PARP8: variants seen among roughly 807,000 people sequenced by gnomAD.
PARP8 encodes the protein protein mono-ADP-ribosyltransferase PARP8.
In PARP8, 51 loss-of-function variants were observed where a neutral mutation model predicts 124.1. The observed-to-expected ratio is 0.41, with a 90% CI of 0.33 to 0.52. The LOEUF is 0.52. Among genes scored for constraint, PARP8 ranks in the 20% least tolerant of loss-of-function variants. The pLI is 0.21. For synonymous variants in PARP8, 391 were observed against 361.5 expected (o/e 1.08, Z -0.93); for missense variants, 860 against 1,018.9 (o/e 0.84, Z 2.12).
chr5:50,686,906 C>G (rs917755494), intron 2 of PARP8, among the ~76,000 whole-genome samples: 3 of 152,176 alleles, frequency 2.0e-5, no homozygotes, highest in African/African-American at 7.2e-5. Context: ...ACCATTTTCT[C>G]CTAGGCTTCT....
intron 12 of PARP8, 91 bp from the exon 13 acceptor site, chr5:50,796,891 C>T (rs947807719): frequency 3.4e-5 from 37 of 1,077,948 alleles, no homozygotes; most frequent in South Asian, 5.0e-5. Context: ...AAATCACTTT[C>T]GTATTCACTA....
At chr5:50,811,860 T>C (rs1167742998) in intron 14 of PARP8, among the ~76,000 whole-genome samples, 1 of 152,212 alleles carries the variant, frequency 6.6e-6, no homozygotes, top group Non-Finnish European at 1.5e-5. Flanking sequence ...GTCTTTGCGA[T>C]AGTTTGCTCA....
chr5:50,703,760 A>G (rs1248134056), intron 2 of PARP8, among the ~76,000 whole-genome samples: 1 of 152,170 alleles, frequency 6.6e-6, no homozygotes, highest in East Asian at 1.9e-4. Flanking sequence ...AAAATTTAAA[A>G]GTTAGCCAGG....
At chr5:50,726,397 G>T (rs1481548593) in intron 2 of PARP8, among the ~76,000 whole-genome samples, 3 of 151,932 alleles carry the variant, frequency 2.0e-5, no homozygotes, top group Admixed American at 2.0e-4. Context: ...TTTTTTTCCC[G>T]CATTTTACAA....
rs76328550 is a variant in PARP8 at position 50,797,273 on chromosome 5, T to C, written c.1575+40T>C. 6,057 of 1,298,172 alleles carry C rather than the reference T, an allele frequency of 4.7e-3. 236 individuals are homozygous for C. The African/African-American group carries it at 0.08, about 17-fold the overall frequency. 80.4% of individuals were successfully genotyped at this position (1,298,172 alleles called of 1,614,324 possible). A position where few individuals can be genotyped will look rare whatever the true frequency, so the allele number is the denominator to read the frequency against. The stretch of plus-strand genomic sequence containing the variant: ...ATAGAATGTCCGTGTTGGTTTAGAA[T>C]ATAGAAATATAGAAAAGATTTGAAA... On this transcript the variant is annotated intron_variant, in intron 14 of 25. Transcript: ENST00000281631.
At chr5:50,690,657 A>G (rs974666217) in intron 2 of PARP8, among the ~76,000 whole-genome samples, 5 of 152,132 alleles carry the variant, frequency 3.3e-5, no homozygotes, top group African/African-American at 7.2e-5. Flanking sequence ...TAGCAAAACT[A>G]TGTCTAAAGA....
chr5:50,774,521 G>C (rs1268378717), intron 7 of PARP8, among the ~76,000 whole-genome samples: 1 of 127,086 alleles, frequency 7.9e-6, no homozygotes, highest in African/African-American at 3.1e-5. Flanking sequence ...CTTCCCAGAC[G>C]GGGTGGCCGG....
At chr5:50,682,852 G>A (rs916584552) in intron 2 of PARP8, among the ~76,000 whole-genome samples, 6 of 152,088 alleles carry the variant, frequency 3.9e-5, no homozygotes, top group Non-Finnish European at 8.8e-5. Context: ...GTTTTTCTAT[G>A]ATCTCTTATA....
intron 2 of PARP8, among the ~76,000 whole-genome samples, chr5:50,683,425 T>C (rs1751505961): frequency 6.6e-6 from 1 of 152,190 alleles, no homozygotes; most frequent in African/African-American, 2.4e-5. Flanking sequence ...ATAGTAATTA[T>C]AATGAAGACA....
Position 50,732,135 on chromosome 5 carries a change from A to G in PARP8, c.147-18016A>G, listed in dbSNP as rs571029974. Among the ~76,000 whole-genome samples the G allele has an allele frequency of 8.5e-5, 13 of 152,342 alleles. No homozygotes were observed. In the South Asian group the frequency reaches 2.1e-3, roughly 24 times the overall value. On this transcript the variant is annotated intron_variant, in intron 2 of 25. Transcript: ENST00000281631. ...AGTTCAGATAATGACAATCTTTATC[A>G]TCATAAATTTTCCTGAAGAATTAGT...
chr5:50,711,598 A>G (rs531832758), intron 2 of PARP8, among the ~76,000 whole-genome samples: 1 of 152,268 alleles, frequency 6.6e-6, no homozygotes, highest in East Asian at 1.9e-4. Flanking sequence ...TGAGAAACAG[A>G]AAGACAAAAT....
At chr5:50,713,197 G>T in intron 2 of PARP8, among the ~76,000 whole-genome samples, 1 of 151,982 alleles carries the variant, frequency 6.6e-6, no homozygotes, top group Non-Finnish European at 1.5e-5. Flanking sequence ...GGACTTACAA[G>T]AGTGCTTATT....
At chr5:50,819,109 C>T (rs1745451950) in intron 15 of PARP8, among the ~76,000 whole-genome samples, 2 of 152,238 alleles carry the variant, frequency 1.3e-5, no homozygotes, top group African/African-American at 2.4e-5. Context: ...CAGGTATTAG[C>T]GCTGTGTCCT....
chr5:50,837,649 G>C (rs1016220379), intron 25 of PARP8, among the ~76,000 whole-genome samples: 1 of 151,900 alleles, frequency 6.6e-6, no homozygotes, highest in Non-Finnish European at 1.5e-5. Flanking sequence ...CAGTTGAGAT[G>C]ATAAAACAGT....
At chr5:50,770,931 T>G (rs192232256) in intron 7 of PARP8, among the ~76,000 whole-genome samples, 179 of 152,184 alleles carry the variant, frequency 1.2e-3, no homozygotes, top group Non-Finnish European at 1.5e-3. Flanking sequence ...GCACATAATC[T>G]TATCCTTTAA....
Position 50,794,268 on chromosome 5 carries a change from C to A in PARP8, c.799C>A (p.His267Asn). 2 of 1,613,532 alleles carry A rather than the reference C, an allele frequency of 1.2e-6. No homozygotes were observed. Among genetic ancestry groups the A allele is most frequent in the Non-Finnish European group, 1.7e-6 (2 of 1,179,652 alleles). ...KQSKEKSNCLHNKKLSEKKVK... is the reference protein window; with the variant it reads ...KQSKEKSNCLNNKKLSEKKVK... ...GAGCAAAGAAAAATCCAATTGCCTG[C>A]ACAATAAAAAGTTGTCAGAGAAGAA... Residue 267 changes from histidine to asparagine, a missense_variant, in exon 11 of 26, where the codon CAC becomes AAC. Physicochemically the swap from His to Asn is moderately conservative, Grantham distance 68 (BLOSUM62 1). This residue lies in a region of PARP8 where 517 missense variants were observed against 544.2 expected (regional missense o/e 0.95). Coordinates refer to ENST00000281631, the MANE Select transcript of PARP8 (RefSeq NM_024615.4).
intron 2 of PARP8, among the ~76,000 whole-genome samples, chr5:50,672,555 CT>C (rs1750149290): frequency 1.3e-5 from 2 of 152,284 alleles, no homozygotes; most frequent in Middle Eastern, 3.4e-3. Flanking sequence ...GTCCACTTCT[CT>C]GGGTCACATG....
rs1279000196 is a variant in PARP8 at position 50,844,784 on chromosome 5, A to G, written c.*2716A>G. On this transcript the variant is annotated 3_prime_UTR_variant, in exon 26 of 26. Transcript: ENST00000281631. The stretch of plus-strand genomic sequence containing the variant: ...TTGCTTATTTTGTAAACATTTTACT[A>G]TGAATAATCTGTTCTCTTTCACTGT... 1.3e-5 allele frequency: 2 copies of G among 151,722 alleles called. No homozygotes were observed. Among genetic ancestry groups the G allele is most frequent in the African/African-American group, 4.8e-5 (2 of 41,394 alleles). The allele number at this position is 151,722 out of a possible 1,614,324, so 9.4% of individuals were successfully genotyped here. A position where few individuals can be genotyped will look rare whatever the true frequency, so the allele number is the denominator to read the frequency against.
At chr5:50,709,941 T>TA (rs1404793974) in intron 2 of PARP8, among the ~76,000 whole-genome samples, 1 of 95,518 alleles carries the variant, frequency 1.0e-5, no homozygotes, top group Non-Finnish European at 2.5e-5. Context: ...TATATATATA[T>TA]ATATATATAT....
Sources: gnomAD v4.1 joint callset for allele counts (sites outside exome capture counted in the v4.1 genomes callset) on GRCh38, gnomAD v4.1.1 for gene constraint, gnomAD v4.1.1 regional missense constraint, MANE v1.5 for transcripts, NCBI Gene and HGNC (gene_info 2026-07-23, HGNC 2026-07-21) for gene names.